ADAMTS9: variants seen among roughly 807,000 people sequenced by gnomAD.
ADAMTS9 encodes A disintegrin and metalloproteinase with thrombospondin motifs 9.
ADAMTS9 carries 107 observed loss-of-function variants against 257.1 expected under a neutral mutation model. That is an observed-to-expected ratio of 0.42 (90% CI 0.36 to 0.49). The LOEUF is 0.49. ADAMTS9 is among the 20% of genes least tolerant of loss of function. The probability of loss-of-function intolerance (pLI) is 0.03; values close to 1 mark genes in which losing one functional copy is unlikely to be tolerated. For missense variants in ADAMTS9, 2,353 were observed against 2,469.1 expected (o/e 0.95, Z 1.00); for synonymous variants, 982 against 880.9 (o/e 1.11, Z -2.03).
chr3:64,569,393 A>G (rs2083622994), intron 28 of ADAMTS9, among the ~76,000 whole-genome samples: 1 of 152,202 alleles, frequency 6.6e-6, no homozygotes, highest in South Asian at 2.1e-4. Flanking sequence ...TTCAAGACAC[A>G]TTATTTCCCA....
chr3:64,619,996 CTGCCT>C (rs1339977641), intron 19 of ADAMTS9, among the ~76,000 whole-genome samples: 3 of 151,476 alleles, frequency 2.0e-5, no homozygotes, highest in African/African-American at 7.3e-5. Flanking sequence ...GTATAAACGT[CTGCCT>C]TTTAATGTCT....
At chr3:64,660,335 T>C (rs1409405017) in intron 3 of ADAMTS9, among the ~76,000 whole-genome samples, 1 of 152,220 alleles carries the variant, frequency 6.6e-6, no homozygotes, top group African/African-American at 2.4e-5. Context: ...TTATAACCAA[T>C]TGCTAAAAGA....
Position 64,622,423 on chromosome 3 carries a change from A to G in ADAMTS9, c.2553T>C (p.Leu851=). The G allele has an allele frequency of 6.2e-7, 1 of 1,613,866 alleles. No individual in the cohort carries two copies. The highest frequency in any genetic ancestry group is 8.5e-7 in the Non-Finnish European group (1 of 1,179,914). The change falls in exon 17 of 40, where the codon CTT becomes CTC. Residue 851 remains leucine, a synonymous_variant. Transcript: ENST00000498707. ...STDRIEQELL[L]QVLSVGKLYN... is the part of the protein sequence containing the mutation. ...GGGCTCATGGTCAAGTTTTTACCTG[A>G]AGCAAAAGTTCTTGCTCAATGCGAT...
At chr3:64,533,634 A>G (rs770132540) in intron 37 of ADAMTS9, among the ~76,000 whole-genome samples, 1 of 152,206 alleles carries the variant, frequency 6.6e-6, no homozygotes, top group Non-Finnish European at 1.5e-5. Flanking sequence ...GTTGCTCACA[A>G]TTATCAGATT....
intron 10 of ADAMTS9, 96 bp downstream of exon 10, chr3:64,649,541 G>T: frequency 7.2e-7 from 1 of 1,391,124 alleles, no homozygotes; most frequent in Non-Finnish European, 9.7e-7. Context: ...TTTTCCTTGG[G>T]TAGTTTATAG....
Position 64,622,268 on chromosome 3 carries a change from A to G in ADAMTS9, c.2616T>C (p.Ile872=), listed in dbSNP as rs1470797059. ...AGTAAAACTGCTGAGGTTTATCTTCAATTGGAATATTGAAAGAATAGCGTA... is the reference window on the plus strand; with the variant it reads ...AGTAAAACTGCTGAGGTTTATCTTCGATTGGAATATTGAAAGAATAGCGTA... The part of the protein sequence containing the change: ...PDVRYSFNIP[I]EDKPQQFYWN... Residue 872 remains isoleucine, a synonymous_variant, in exon 18 of 40, where the codon ATT becomes ATC. Coordinates refer to ENST00000498707, the MANE Select transcript of ADAMTS9 (RefSeq NM_182920.2). 6.2e-7 allele frequency: 1 copy of G among 1,613,928 alleles called. No homozygotes were observed. The highest frequency in any genetic ancestry group is 1.3e-5 in the African/African-American group (1 of 74,994).
chr3:64,665,806 T>G (rs1023319898), intron 3 of ADAMTS9, among the ~76,000 whole-genome samples: 1 of 152,218 alleles, frequency 6.6e-6, no homozygotes, highest in Non-Finnish European at 1.5e-5. Context: ...ATGAAGGCTC[T>G]TTTCTGAGTC....
intron 16 of ADAMTS9, among the ~76,000 whole-genome samples, chr3:64,624,140 C>G (rs928590462): frequency 6.6e-6 from 1 of 151,220 alleles, no homozygotes; most frequent in Non-Finnish European, 1.5e-5. Flanking sequence ...TTCTGGAGAT[C>G]TAGTATACAG....
intron 8 of ADAMTS9, among the ~76,000 whole-genome samples, chr3:64,653,860 G>GA (rs35277419): frequency 3.9e-5 from 6 of 152,010 alleles, no homozygotes; most frequent in Non-Finnish European, 2.9e-5. Flanking sequence ...TCTCTTTCCT[G>GA]AAAAAAGGGA....
intron 3 of ADAMTS9, among the ~76,000 whole-genome samples, chr3:64,679,111 G>A (rs369164915): frequency 9.2e-5 from 14 of 151,996 alleles, no homozygotes; most frequent in Non-Finnish European, 7.4e-5. Context: ...CATTGTCTTC[G>A]AGCCTGACAT....
In ADAMTS9 at chr3:64,554,507, C is replaced by T. The variant is rs1242312138; in HGVS notation, c.4699-3445G>A. On this transcript the variant is annotated intron_variant, in intron 30 of 39. Transcript: ENST00000498707. ...TCAGCTTTTTGTAATATGGCTTCCC[C>T]CTCAACCCTCTACGATTTATGACTC... 3.3e-5 allele frequency among the ~76,000 whole-genome samples: 5 copies of T among 152,198 alleles called. No homozygotes were observed. The South Asian group carries it at 8.3e-4, about 25-fold the overall frequency.
intron 3 of ADAMTS9, among the ~76,000 whole-genome samples, chr3:64,676,022 C>T (rs1701616897): frequency 6.6e-6 from 1 of 152,118 alleles, no homozygotes; most frequent in Admixed American, 6.5e-5. Flanking sequence ...AACAGAGTCC[C>T]CAGTGCCTAA....
intron 16 of ADAMTS9, among the ~76,000 whole-genome samples, chr3:64,625,048 A>C (rs1700194041): frequency 6.6e-6 from 1 of 152,190 alleles, no homozygotes; most frequent in South Asian, 2.1e-4. Context: ...AAGAGTAGCA[A>C]ATTTTAGTAG....
At position 64,687,633 on chromosome 3, in the gene ADAMTS9, G is replaced by T; in HGVS notation, c.25C>A (p.Leu9Met). 1.9e-6 allele frequency: 3 copies of T among 1,579,124 alleles called. No individual in the cohort carries two copies. Among genetic ancestry groups the T allele is most frequent in the East Asian group, 2.3e-5 (1 of 43,080 alleles). The stretch of plus-strand genomic sequence containing the variant: ...AGGTCCCGCACCAGGAGCGTTAGCA[G>T]TGTGGCCCAGGATACAAACTGCATG... Reference protein sequence around the residue: MQFVSWATLLTLLVRDLAE... With the variant: MQFVSWATMLTLLVRDLAE... Residue 9 changes from leucine (L) to methionine (M), a missense_variant, in exon 1 of 40, where the codon CTG becomes ATG. Around this residue, in one of 3 missense-constraint regions of ADAMTS9, gnomAD observed 591 missense variants for 569.6 expected, o/e 1.04. Coordinates refer to ENST00000498707, the MANE Select transcript of ADAMTS9 (RefSeq NM_182920.2). This position sits in a 1 kb window ranked among gnomAD's most constrained non-coding sequence, Gnocchi z 4.4.
At chr3:64,520,126 C>T (rs2082830884) in intron 39 of ADAMTS9, among the ~76,000 whole-genome samples, 1 of 152,018 alleles carries the variant, frequency 6.6e-6, no homozygotes, top group South Asian at 2.1e-4. Flanking sequence ...GTACAAAAAT[C>T]AGAAGCATTT....
At chr3:64,587,004 AC>A (rs1359454221) in intron 28 of ADAMTS9, 4 of 152,184 alleles carry the variant, frequency 2.6e-5, no homozygotes, top group Non-Finnish European at 5.9e-5. Context: ...TGCCCTTTCA[AC>A]CCACTGAACA....
chr3:64,612,110 A>G (rs1385917205), intron 22 of ADAMTS9, among the ~76,000 whole-genome samples: 1 of 152,098 alleles, frequency 6.6e-6, no homozygotes, highest in Non-Finnish European at 1.5e-5. Context: ...CTTTTTGCTG[A>G]ATTACATTTT....
chr3:64,550,821 C>T, intron 31 of ADAMTS9, 71 bp downstream of exon 31: 1 of 1,582,240 alleles, frequency 6.3e-7, no homozygotes, highest in East Asian at 2.2e-5. Flanking sequence ...TGCACTCATC[C>T]CTCCACTCAT....
At chr3:64,547,207 C>A (rs551656926) in intron 31 of ADAMTS9, among the ~76,000 whole-genome samples, 1 of 152,150 alleles carries the variant, frequency 6.6e-6, no homozygotes, top group Admixed American at 6.5e-5. Context: ...TGCCTCAAAC[C>A]CCTTCTGGAG....
Sources: gnomAD v4.1 joint callset for allele counts (sites outside exome capture counted in the v4.1 genomes callset) on GRCh38, gnomAD v4.1.1 for gene constraint, gnomAD v4.1.1 regional missense constraint, Gnocchi (gnomAD v3.1) non-coding constraint, MANE v1.5 for transcripts, NCBI Gene and HGNC (gene_info 2026-07-23, HGNC 2026-07-21) for gene names.